The following PDE1C variants were observed in gnomAD, a reference collection of about 807,000 sequenced individuals.
PDE1C encodes dual specificity calcium/calmodulin-dependent 3',5'-cyclic nucleotide phosphodiesterase 1C.
PDE1C carries 62 observed loss-of-function variants against 93.1 expected under a neutral mutation model. The ratio of observed to expected loss-of-function variants is 0.67; its 90% CI spans 0.54 to 0.82. PDE1C has a LOEUF of 0.82. Ranked by LOEUF, PDE1C falls within the 40% of genes least tolerant of loss-of-function variation. The pLI is 0.00. For missense variants in PDE1C, 742 were observed against 884.6 expected (o/e 0.84, Z 2.04); for synonymous variants, 325 against 310.1 (o/e 1.05, Z -0.50).
intron 1 of PDE1C, among the ~76,000 whole-genome samples, chr7:32,350,590 A>ATATATT (rs1783951157): frequency 3.2e-4 from 1 of 3,136 alleles, no homozygotes; most frequent in African/African-American, 3.7e-4. Flanking sequence ...ATATATATAT[A>ATATATT]TTTTTTTTTT....
intron 1 of PDE1C, among the ~76,000 whole-genome samples, chr7:32,335,974 G>A (rs190208994): frequency 2.6e-5 from 4 of 152,098 alleles, no homozygotes; most frequent in South Asian, 2.1e-4. Flanking sequence ...ACAGGCATGA[G>A]TCACCACACC....
Position 31,879,304 on chromosome 7 carries a change from A to T in PDE1C, c.243-126T>A. ...GCAAAGAAACCAAATTAAATTGGCC[A>T]CAAAAAATACAGTGCCTTTTTGGTA... On this transcript the variant is annotated intron_variant, in intron 3 of 17. Transcript: ENST00000396191. The T allele has an allele frequency of 9.0e-6, 8 of 892,154 alleles. No individual in the cohort carries two copies. In the South Asian group the frequency reaches 1.1e-4, roughly 12 times the overall value. 55.3% of individuals were successfully genotyped at this position (892,154 alleles called of 1,614,324 possible). A position where few individuals can be genotyped will look rare whatever the true frequency, so the allele number is the denominator to read the frequency against.
the PDE1C span, among the ~76,000 whole-genome samples, chr7:31,688,580 A>G: frequency 6.6e-6 from 1 of 152,348 alleles, no homozygotes; most frequent in Non-Finnish European, 1.5e-5. Context: ...TGTTCTCAAA[A>G]GAGAAGGTGA....
intron 17 of PDE1C, among the ~76,000 whole-genome samples, chr7:31,765,637 T>C (rs1480073870): frequency 1.3e-5 from 2 of 152,160 alleles, no homozygotes; most frequent in African/African-American, 4.8e-5. Flanking sequence ...CTGGATCAAG[T>C]GGGATAGGCT....
At chr7:32,134,698 A>G (rs1473567438) in intron 3 of PDE1C, among the ~76,000 whole-genome samples, 1 of 152,148 alleles carries the variant, frequency 6.6e-6, no homozygotes, top group Non-Finnish European at 1.5e-5. Context: ...CATAAGTGGG[A>G]GTTGAACAAT....
At chr7:32,316,635 C>T (rs1783178798) in intron 1 of PDE1C, among the ~76,000 whole-genome samples, 2 of 152,126 alleles carry the variant, frequency 1.3e-5, no homozygotes, top group East Asian at 1.9e-4. Context: ...ATTGACAAGA[C>T]GACTGAAATC....
intron 2 of PDE1C, among the ~76,000 whole-genome samples, chr7:31,913,628 C>T (rs4723110): frequency 6.6e-6 from 1 of 152,084 alleles, no homozygotes; most frequent in Non-Finnish European, 1.5e-5. Flanking sequence ...GTGATTTCAT[C>T]ATTTAAGGCA....
chr7:31,664,461 TTGTC>T, the PDE1C span, among the ~76,000 whole-genome samples: 1 of 152,170 alleles, frequency 6.6e-6, no homozygotes, highest in Non-Finnish European at 1.5e-5. Context: ...AATTAATCAT[TTGTC>T]TGTCAGAACA....
intron 2 of PDE1C, among the ~76,000 whole-genome samples, chr7:32,024,722 G>A (rs1049868799): frequency 2.0e-5 from 3 of 152,014 alleles, no homozygotes; most frequent in East Asian, 1.9e-4. Context: ...GTGAGCTCTC[G>A]GAAGCTCAGA....
chr7:31,982,796 TAAA>T lies in PDE1C; in HGVS notation c.128+68755_128+68757del, dbSNP rs564522853. ...AAAAATCAAAATCAAAAGTTGGAAA[TAAA>T]AAAGTAAAATAGAAAAAGAAACAAT... On this transcript the variant is annotated intron_variant, in intron 2 of 17. Coordinates refer to ENST00000396191, the MANE Select transcript of PDE1C (RefSeq NM_001191057.4). Among the ~76,000 whole-genome samples, 474 of 152,096 alleles carry T rather than the reference TAAA, an allele frequency of 3.1e-3. 4 individuals are homozygous for T. Among genetic ancestry groups the T allele is most frequent in the African/African-American group, 0.011 (445 of 41,488 alleles).
At chr7:31,991,303 T>C (rs777338305) in intron 2 of PDE1C, among the ~76,000 whole-genome samples, 1 of 152,122 alleles carries the variant, frequency 6.6e-6, no homozygotes, top group Non-Finnish European at 1.5e-5. Context: ...CTGGTTCTGA[T>C]GATGTAAAAC....
intron 1 of PDE1C, among the ~76,000 whole-genome samples, chr7:32,318,317 C>T (rs748515931): frequency 1.6e-4 from 24 of 152,168 alleles, no homozygotes; most frequent in Non-Finnish European, 3.1e-4. Flanking sequence ...CCCCGAATGG[C>T]CTCACCATGT....
In PDE1C at chr7:32,037,740, T is replaced by C. The variant is rs370816128; in HGVS notation, c.128+13814A>G. Among the ~76,000 whole-genome samples, 13 of 152,292 alleles carry C rather than the reference T, an allele frequency of 8.5e-5. 3 individuals carry two copies. The highest frequency in any genetic ancestry group is 6.5e-5 in the Admixed American group (1 of 15,288). ...TGGGTCCTATATCTCTCCAATTATG[T>C]CATTAGCTCCTTGAGGGCAGAAACC... On this transcript the variant is annotated intron_variant, in intron 2 of 17. Coordinates refer to ENST00000396191, the MANE Select transcript of PDE1C (RefSeq NM_001191057.4).
intron 2 of PDE1C, among the ~76,000 whole-genome samples, chr7:32,005,555 CAAAAAAAAAA>C (rs59246166): frequency 0.02 from 1,037 of 50,778 alleles, 52 homozygotes; most frequent in African/African-American, 0.078. Flanking sequence ...GACTCCATTT[CAAAAAAAAAA>C]AAAAAAAAAA....
the PDE1C span, among the ~76,000 whole-genome samples, chr7:31,745,642 G>A: frequency 1.3e-5 from 2 of 152,072 alleles, no homozygotes; most frequent in African/African-American, 4.8e-5. Flanking sequence ...AAAGGCAAAA[G>A]GCAAGTAAAA....
the PDE1C span, among the ~76,000 whole-genome samples, chr7:31,679,266 C>G: frequency 6.6e-6 from 1 of 152,162 alleles, no homozygotes; most frequent in Non-Finnish European, 1.5e-5. Context: ...AGCTGACCTT[C>G]TCATTGGCAA....
chr7:32,284,572 C>G (rs1317252042), intron 1 of PDE1C, among the ~76,000 whole-genome samples: 1 of 152,160 alleles, frequency 6.6e-6, no homozygotes, highest in East Asian at 1.9e-4. Context: ...CTTGCCACAC[C>G]TACTGCTATT....
At chr7:31,831,783 TGAA>T (rs373109252) in intron 11 of PDE1C, among the ~76,000 whole-genome samples, 29 of 149,438 alleles carry the variant, frequency 1.9e-4, no homozygotes, top group Non-Finnish European at 3.1e-4. Context: ...AAGAAAAAGG[TGAA>T]GAAGAAGAAG....
intron 2 of PDE1C, among the ~76,000 whole-genome samples, chr7:31,965,653 T>C (rs953315374): frequency 2.1e-4 from 32 of 152,062 alleles, no homozygotes; most frequent in East Asian, 5.8e-4. Flanking sequence ...AGACACATAA[T>C]TGTCAGATTC....
Sources: allele counts gnomAD v4.1 joint callset (sites outside exome capture counted in the v4.1 genomes callset), GRCh38; gene constraint gnomAD v4.1.1; transcripts MANE v1.5; gene names NCBI Gene and HGNC (gene_info 2026-07-23, HGNC 2026-07-21).